The following ATP9A variants were observed in gnomAD, a reference collection of about 807,000 sequenced individuals.
ATP9A encodes probable phospholipid-transporting ATPase IIA.
ATP9A carries 52 observed loss-of-function variants against 144.1 expected under a neutral mutation model. That is an observed-to-expected ratio of 0.36 (90% CI 0.29 to 0.45). The LOEUF (loss-of-function observed/expected upper bound fraction) is 0.45. Among genes scored for constraint, ATP9A ranks in the 20% least tolerant of loss-of-function variants. ATP9A has a pLI of 1.00. For missense variants in ATP9A, 947 were observed against 1,392.7 expected (o/e 0.68, Z 5.09); for synonymous variants, 582 against 557.4 (o/e 1.04, Z -0.62).
At chr20:51,633,335 T>C (rs755587821) in intron 15 of ATP9A, among the ~76,000 whole-genome samples, 2 of 152,180 alleles carry the variant, frequency 1.3e-5, no homozygotes, top group Admixed American at 6.5e-5. Context: ...AAGCCTTCTA[T>C]GGAGTTCAGT....
chr20:51,690,304 C>A (rs1275681062), intron 8 of ATP9A, among the ~76,000 whole-genome samples: 1 of 151,764 alleles, frequency 6.6e-6, no homozygotes, highest in Non-Finnish European at 1.5e-5. Flanking sequence ...CCTGTAATCC[C>A]AGCTACTTGG....
chr20:51,739,945 G>A (rs528997188), intron 1 of ATP9A, among the ~76,000 whole-genome samples: 19 of 152,302 alleles, frequency 1.2e-4, no homozygotes, highest in East Asian at 5.8e-4. Context: ...AGAAGTTCCC[G>A]ATAGCCTTGA....
At chr20:51,635,944 T>A (rs1219177301) in intron 15 of ATP9A, among the ~76,000 whole-genome samples, 1 of 151,286 alleles carries the variant, frequency 6.6e-6, no homozygotes, top group African/African-American at 2.4e-5. Flanking sequence ...TTTTCTGGAG[T>A]AAGGGAATGC....
chr20:51,758,979 T>C (rs2077867915), intron 1 of ATP9A, among the ~76,000 whole-genome samples: 1 of 152,164 alleles, frequency 6.6e-6, no homozygotes, highest in Non-Finnish European at 1.5e-5. Flanking sequence ...ACGGCACCCA[T>C]GTCCACACTC....
At chr20:51,701,612 T>C (rs559705628) in intron 4 of ATP9A, among the ~76,000 whole-genome samples, 21 of 152,182 alleles carry the variant, frequency 1.4e-4, no homozygotes, top group Non-Finnish European at 1.6e-4. Flanking sequence ...CAAACACACC[T>C]ACTGTACCCA....
intron 9 of ATP9A, among the ~76,000 whole-genome samples, 200 bp downstream of exon 9, chr20:51,688,864 C>CG (rs1379222515): frequency 6.6e-6 from 1 of 152,138 alleles, no homozygotes; most frequent in Non-Finnish European, 1.5e-5. Flanking sequence ...CCACAGGCCA[C>CG]GCGGGCTTCT....
At position 51,618,458 on chromosome 20, in the gene ATP9A, G is replaced by C. The variant is rs542180164; in HGVS notation, c.2350+204C>G. On this transcript the variant is annotated intron_variant, in intron 21 of 27. Transcript: ENST00000338821. ...CCACTGGCAAAGGAGTAGAGGCCTG[G>C]CACGTGCTTATCTACTCTCCAAGGG... Among the ~76,000 whole-genome samples the C allele has an allele frequency of 8.5e-5, 13 of 152,240 alleles. No homozygotes were observed. The South Asian group carries it at 2.7e-3, about 32-fold the overall frequency.
intron 1 of ATP9A, among the ~76,000 whole-genome samples, chr20:51,746,383 G>A (rs1253872842): frequency 6.6e-6 from 1 of 152,230 alleles, no homozygotes; most frequent in Non-Finnish European, 1.5e-5. Flanking sequence ...ATTATGGACA[G>A]CAGTTGTTAA....
intron 16 of ATP9A, 53 bp downstream of exon 16, chr20:51,628,927 C>A: frequency 6.7e-7 from 1 of 1,481,756 alleles, no homozygotes; most frequent in Non-Finnish European, 9.4e-7. Flanking sequence ...CAAGGGGCTG[C>A]CTCTGCAGAA....
chr20:51,723,908 C>T (rs946764628), intron 3 of ATP9A, among the ~76,000 whole-genome samples: 8 of 152,212 alleles, frequency 5.3e-5, no homozygotes, highest in South Asian at 2.1e-4. Flanking sequence ...CAGTGTCTCA[C>T]GCCTATAATC....
chr20:51,685,353 G>GT (rs2122808865), intron 9 of ATP9A, among the ~76,000 whole-genome samples: 1 of 152,240 alleles, frequency 6.6e-6, no homozygotes, highest in South Asian at 2.1e-4. Context: ...GAGGTCAGGA[G>GT]TTTGAGACCA....
chr20:51,672,910 G>A (rs1312669397), intron 11 of ATP9A, among the ~76,000 whole-genome samples: 19 of 152,022 alleles, frequency 1.2e-4, no homozygotes, highest in Non-Finnish European at 1.8e-4. Context: ...GATTTTAGTA[G>A]ACCAAACTCC....
At chr20:51,623,410 C>T (rs1163837212) in intron 18 of ATP9A, among the ~76,000 whole-genome samples, 1 of 152,128 alleles carries the variant, frequency 6.6e-6, no homozygotes, top group Non-Finnish European at 1.5e-5. Context: ...CTGCTGCTTC[C>T]CAATGTGAGA....
At chr20:51,706,188 C>T (rs182980361) in intron 4 of ATP9A, among the ~76,000 whole-genome samples, 3 of 152,308 alleles carry the variant, frequency 2.0e-5, no homozygotes, top group East Asian at 1.9e-4. Flanking sequence ...TAAGGCTGAA[C>T]GCTGTAGCAG....
At position 51,600,591 on chromosome 20, in the gene ATP9A, G is replaced by A. The variant is rs1166724679; in HGVS notation, c.*620C>T. On this transcript the variant is annotated 3_prime_UTR_variant, in exon 28 of 28. Transcript: ENST00000338821. Reference sequence around the variant, plus strand: ...TCTCTCCCTCTCCTCTCATTTACTGGTTACGATCCCAGGAATCCAGTGTAA... The same window carrying A: ...TCTCTCCCTCTCCTCTCATTTACTGATTACGATCCCAGGAATCCAGTGTAA... 6.6e-6 allele frequency: 1 copy of A among 152,134 alleles called. No homozygotes were observed. Among genetic ancestry groups the A allele is most frequent in the African/African-American group, 2.4e-5 (1 of 41,406 alleles). 9.4% of individuals were successfully genotyped at this position (152,134 alleles called of 1,614,324 possible).
intron 15 of ATP9A, among the ~76,000 whole-genome samples, chr20:51,634,271 A>C (rs995111761): frequency 5.9e-5 from 9 of 152,230 alleles, no homozygotes; most frequent in African/African-American, 2.2e-4. Flanking sequence ...CTACGTCTTG[A>C]ACAACTTCAG....
intron 7 of ATP9A, 145 bp from the exon 8 acceptor site, chr20:51,690,964 G>A (rs1203025348): frequency 4.4e-6 from 3 of 683,926 alleles, no homozygotes; most frequent in East Asian, 2.5e-5. Context: ...GAAAGAAGAG[G>A]AAAGTCCTCT....
intron 19 of ATP9A, among the ~76,000 whole-genome samples, chr20:51,621,274 T>C (rs1034702869): frequency 6.6e-5 from 10 of 152,068 alleles, no homozygotes; most frequent in Admixed American, 3.9e-4. Context: ...CTGTGAATGA[T>C]GAGAACTGAC....
chr20:51,704,938 TG>T (rs1175051188), intron 4 of ATP9A, among the ~76,000 whole-genome samples: 1 of 152,246 alleles, frequency 6.6e-6, no homozygotes, highest in Non-Finnish European at 1.5e-5. Context: ...CTTTGCTCAC[TG>T]AATTGTCTTT....
Sources: allele counts gnomAD v4.1 joint callset (sites outside exome capture counted in the v4.1 genomes callset), GRCh38; gene constraint gnomAD v4.1.1; transcripts MANE v1.5; gene names NCBI Gene and HGNC (gene_info 2026-07-23, HGNC 2026-07-21).